OPCML: variants seen among roughly 807,000 people sequenced by gnomAD.
OPCML encodes opioid-binding protein/cell adhesion molecule.
Under a neutral mutation model 37.8 loss-of-function variants are expected in OPCML, and 13 were observed. That is an observed-to-expected ratio of 0.34 (90% confidence interval 0.22 to 0.55). The LOEUF is 0.55. Ranked by LOEUF, OPCML falls within the 20% of genes least tolerant of loss-of-function variation. The pLI is 0.91. For synonymous variants in OPCML, 176 were observed against 168.8 expected, an observed-to-expected ratio of 1.04 and a Z score of -0.33; for missense variants, 341 against 435.6, an observed-to-expected ratio of 0.78 and a Z score of 1.93.
chr11:132,616,328 A>AAATTCTTAAATT (rs1939015584), intron 3 of OPCML, among the ~76,000 whole-genome samples: 2 of 152,226 alleles, frequency 1.3e-5, no homozygotes, highest in Non-Finnish European at 1.5e-5. Context: ...TATAGCTGGC[A>AAATTCTTAAATT]CTATTAAATT....
intron 1 of OPCML, chr11:133,531,981 C>A (rs957285285): frequency 6.3e-6 from 1 of 159,598 alleles, no homozygotes; most frequent in Admixed American, 6.5e-5. Context: ...TGGTGACTTT[C>A]ACTGAAACAG....
At chr11:133,439,273 TG>T in intron 1 of OPCML, 1 of 976,992 alleles carries the variant, frequency 1.0e-6, no homozygotes, top group Non-Finnish European at 1.2e-6. Flanking sequence ...TCCCTGTTGG[TG>T]TCCAGAGAGT....
At chr11:133,110,196 T>C (rs969589705) in intron 1 of OPCML, among the ~76,000 whole-genome samples, 2 of 152,190 alleles carry the variant, frequency 1.3e-5, no homozygotes, top group Non-Finnish European at 2.9e-5. Context: ...AAGACATGGA[T>C]AAAATAAAAA....
chr11:132,848,672 A>G (rs1312997863), intron 2 of OPCML, among the ~76,000 whole-genome samples: 1 of 152,222 alleles, frequency 6.6e-6, no homozygotes, highest in African/African-American at 2.4e-5. Flanking sequence ...TCAGCCTGAC[A>G]TTACACCTTT....
intron 2 of OPCML, among the ~76,000 whole-genome samples, chr11:132,704,223 G>A (rs1415847758): frequency 6.6e-6 from 1 of 152,168 alleles, no homozygotes; most frequent in Non-Finnish European, 1.5e-5. Flanking sequence ...AAACAAAAAA[G>A]TATCAAATGG....
chr11:132,714,504 C>G (rs1007721863), intron 2 of OPCML, among the ~76,000 whole-genome samples: 1 of 152,202 alleles, frequency 6.6e-6, no homozygotes, highest in Non-Finnish European at 1.5e-5. Context: ...CTGCAAGAAG[C>G]TGGGGAGCTA....
intron 1 of OPCML, among the ~76,000 whole-genome samples, chr11:133,377,407 C>T (rs148173649): frequency 2.7e-4 from 41 of 151,874 alleles, no homozygotes; most frequent in African/African-American, 9.7e-4. Context: ...AGTCTGCTGT[C>T]GGTTGAGTTT....
At chr11:132,915,972 C>T (rs1164247114) in intron 2 of OPCML, among the ~76,000 whole-genome samples, 1 of 152,094 alleles carries the variant, frequency 6.6e-6, no homozygotes, top group Admixed American at 6.6e-5. Flanking sequence ...TCAGTCTTTT[C>T]CTTTATTGCT....
At chr11:133,000,182 G>A (rs1007216776) in intron 1 of OPCML, among the ~76,000 whole-genome samples, 1 of 151,988 alleles carries the variant, frequency 6.6e-6, no homozygotes, top group Non-Finnish European at 1.5e-5. Flanking sequence ...TCAGCCTCTT[G>A]GCTCACTACA....
chr11:133,289,963 G>A (rs946878068), intron 1 of OPCML, among the ~76,000 whole-genome samples: 1 of 152,164 alleles, frequency 6.6e-6, no homozygotes, highest in Non-Finnish European at 1.5e-5. Context: ...GGAGGCAACT[G>A]AGGAACCTTG....
intron 2 of OPCML, among the ~76,000 whole-genome samples, chr11:132,838,547 A>T (rs921949187): frequency 1.3e-5 from 2 of 152,260 alleles, no homozygotes; most frequent in African/African-American, 4.8e-5. Flanking sequence ...GTGAAAATGG[A>T]TTAATAACTT....
At chr11:133,060,211 C>G (rs1001666459) in intron 1 of OPCML, among the ~76,000 whole-genome samples, 14 of 151,428 alleles carry the variant, frequency 9.2e-5, no homozygotes, top group Admixed American at 7.2e-4. Context: ...CCTCTCCCTC[C>G]CCCTCCACCT....
chr11:132,437,021 T>A, intron 5 of OPCML: 1 of 862,438 alleles, frequency 1.2e-6, no homozygotes, highest in Non-Finnish European at 1.4e-6. Flanking sequence ...ATTCTCTCCA[T>A]TTGCTGAAAA....
Position 133,022,414 on chromosome 11 carries a change from C to A in OPCML, c.62-79404G>T, listed in dbSNP as rs142261615. Among the ~76,000 whole-genome samples the A allele has an allele frequency of 1.9e-3, 296 of 152,126 alleles. 2 individuals carry two copies. Among genetic ancestry groups the A allele is most frequent in the African/African-American group, 6.9e-3 (286 of 41,510 alleles). On this transcript the variant is annotated intron_variant, in intron 1 of 7. Transcript: ENST00000524381. Reference sequence around the variant, plus strand: ...ACTGCAGTTTCGTTACATGGATAGACAGTGTAGTGGTGAAATCTGGGCTTT... The same window carrying A: ...ACTGCAGTTTCGTTACATGGATAGAAAGTGTAGTGGTGAAATCTGGGCTTT...
chr11:132,702,510 G>C (rs1943868135), intron 2 of OPCML, among the ~76,000 whole-genome samples: 1 of 152,030 alleles, frequency 6.6e-6, no homozygotes, highest in Admixed American at 6.6e-5. Flanking sequence ...TTTGACTTTT[G>C]AGAATTTGAT....
intron 1 of OPCML, among the ~76,000 whole-genome samples, chr11:133,129,605 C>T (rs1393637249): frequency 1.3e-5 from 2 of 152,112 alleles, no homozygotes; most frequent in African/African-American, 2.4e-5. Flanking sequence ...AAGTATCAGG[C>T]ATGTAAAGAA....
At chr11:132,838,695 G>C in intron 2 of OPCML, among the ~76,000 whole-genome samples, 1 of 152,068 alleles carries the variant, frequency 6.6e-6, no homozygotes. Context: ...TATTGTGCAA[G>C]GACTACATTA....
At chr11:133,465,979 A>G (rs75231841) in intron 1 of OPCML, among the ~76,000 whole-genome samples, 2,394 of 152,354 alleles carry the variant, frequency 0.016, 66 homozygotes, top group African/African-American at 0.055. Flanking sequence ...GTTTAGCTAC[A>G]ATGCCTTACA....
chr11:133,264,732 C>T (rs2136464598), intron 1 of OPCML, among the ~76,000 whole-genome samples: 1 of 150,594 alleles, frequency 6.6e-6, no homozygotes. Flanking sequence ...ATTCACAGGG[C>T]TTTCAACAGA....
Sources: gnomAD v4.1 joint callset for allele counts (sites outside exome capture counted in the v4.1 genomes callset) on GRCh38, gnomAD v4.1.1 for gene constraint, MANE v1.5 for transcripts, NCBI Gene and HGNC (gene_info 2026-07-23, HGNC 2026-07-21) for gene names.